Variants in AUTS2 observed in about 807,000 individuals in gnomAD.
AUTS2 encodes the protein activator of transcription and developmental regulator AUTS2.
Under a neutral mutation model 112.4 loss-of-function variants are expected in AUTS2, and 17 were observed. The ratio of observed to expected loss-of-function variants is 0.15; its 90% CI spans 0.10 to 0.23. AUTS2 has a LOEUF of 0.23. AUTS2 is among the 10% of genes least tolerant of loss of function. AUTS2 has a pLI of 1.00. For synonymous variants in AUTS2, 751 were observed against 702.7 expected (o/e 1.07, Z -1.09); for missense variants, 1,510 against 1,701.6 (o/e 0.89, Z 1.98).
chr7:70,492,736 G>A (rs1024661677), intron 5 of AUTS2, among the ~76,000 whole-genome samples: 4 of 152,092 alleles, frequency 2.6e-5, no homozygotes, highest in Admixed American at 6.5e-5. Context: ...AGCAAACTAC[G>A]TGACCCCCTC....
intron 1 of AUTS2, among the ~76,000 whole-genome samples, chr7:69,742,490 G>A (rs1787312163): frequency 6.6e-6 from 1 of 152,078 alleles, no homozygotes; most frequent in African/African-American, 2.4e-5. Flanking sequence ...GAAAAATACT[G>A]GAACAGTTGG....
intron 4 of AUTS2, among the ~76,000 whole-genome samples, chr7:70,204,793 A>T (rs1258804972): frequency 6.6e-6 from 1 of 152,190 alleles, no homozygotes; most frequent in Non-Finnish European, 1.5e-5. Context: ...ATTAAGTATT[A>T]TCCTCATGGT....
intron 5 of AUTS2, among the ~76,000 whole-genome samples, chr7:70,441,162 C>T (rs545554968): frequency 2.0e-5 from 3 of 152,252 alleles, no homozygotes; most frequent in South Asian, 2.1e-4. Flanking sequence ...ATGAATCCTT[C>T]TCCTTTTCCT....
intron 2 of AUTS2, among the ~76,000 whole-genome samples, chr7:69,983,556 T>C (rs766693260): frequency 2.0e-5 from 3 of 152,024 alleles, no homozygotes; most frequent in Non-Finnish European, 4.4e-5. Flanking sequence ...GGTATGACTG[T>C]GTAGGAAAGA....
At chr7:69,947,449 T>C (rs1002482949) in intron 2 of AUTS2, among the ~76,000 whole-genome samples, 1 of 152,232 alleles carries the variant, frequency 6.6e-6, no homozygotes, top group African/African-American at 2.4e-5. Context: ...AGATAGATCG[T>C]TGCTAACGTC....
intron 1 of AUTS2, among the ~76,000 whole-genome samples, chr7:69,790,376 G>A (rs1225523454): frequency 1.3e-5 from 2 of 152,148 alleles, no homozygotes; most frequent in Non-Finnish European, 2.9e-5. Context: ...TACACATTAT[G>A]GAGGATAACG....
intron 1 of AUTS2, among the ~76,000 whole-genome samples, chr7:69,657,147 G>A (rs891494774): frequency 6.6e-6 from 1 of 152,092 alleles, no homozygotes; most frequent in African/African-American, 2.4e-5. Context: ...CAAAACATCC[G>A]GGCAGACAGT....
chr7:70,572,903 A>C (rs1307820739), intron 5 of AUTS2, among the ~76,000 whole-genome samples: 1 of 152,204 alleles, frequency 6.6e-6, no homozygotes, highest in African/African-American at 2.4e-5. Context: ...ATGAAAAGAA[A>C]GGTTAAAGAG....
chr7:69,876,162 C>T (rs886792392), intron 1 of AUTS2, among the ~76,000 whole-genome samples: 20 of 149,448 alleles, frequency 1.3e-4, no homozygotes, highest in African/African-American at 2.7e-4. Context: ...GTCAGGAGAT[C>T]GAGACCATCC....
At chr7:70,610,647 C>A (rs528389475) in intron 5 of AUTS2, among the ~76,000 whole-genome samples, 1 of 151,984 alleles carries the variant, frequency 6.6e-6, no homozygotes, top group South Asian at 2.1e-4. Context: ...CTATGTTGCC[C>A]AGGTTGGTCT....
At chr7:70,167,555 C>A (rs765497044) in intron 4 of AUTS2, among the ~76,000 whole-genome samples, 1 of 152,170 alleles carries the variant, frequency 6.6e-6, no homozygotes, top group Admixed American at 6.5e-5. Context: ...GCAACACTAC[C>A]GGTCACCTTG....
intron 4 of AUTS2, among the ~76,000 whole-genome samples, chr7:70,187,103 A>T (rs992432169): frequency 9.2e-5 from 14 of 152,204 alleles, no homozygotes; most frequent in African/African-American, 3.4e-4. Flanking sequence ...AAATGAGTTC[A>T]GTGGATTGAT....
intron 4 of AUTS2, among the ~76,000 whole-genome samples, chr7:70,215,641 T>C (rs549241092): frequency 6.6e-6 from 1 of 152,244 alleles, no homozygotes; most frequent in African/African-American, 2.4e-5. Context: ...CAGAGCTCTT[T>C]GGGGGTGAAA....
At chr7:69,892,592 A>G (rs1216050528) in intron 1 of AUTS2, among the ~76,000 whole-genome samples, 1 of 152,196 alleles carries the variant, frequency 6.6e-6, no homozygotes, top group Non-Finnish European at 1.5e-5. Flanking sequence ...TCTTGACAGT[A>G]TCTTTTGAAG....
chr7:70,204,863 A>G (rs1198071582), intron 4 of AUTS2, among the ~76,000 whole-genome samples: 3 of 152,162 alleles, frequency 2.0e-5, no homozygotes, highest in East Asian at 3.9e-4. Flanking sequence ...ATATTCTGCT[A>G]TCTATGGGTT....
At chr7:70,466,858 G>A (rs1234282545) in intron 5 of AUTS2, among the ~76,000 whole-genome samples, 1 of 152,184 alleles carries the variant, frequency 6.6e-6, no homozygotes, top group East Asian at 1.9e-4. Flanking sequence ...AACTTTGGCA[G>A]CTGTGTGGAG....
intron 4 of AUTS2, among the ~76,000 whole-genome samples, chr7:70,263,719 C>A (rs561729552): frequency 6.6e-6 from 1 of 152,168 alleles, no homozygotes; most frequent in South Asian, 2.1e-4. Flanking sequence ...TAACAAAAAT[C>A]CCCCAAGGTT....
chr7:70,331,446 T>C (rs570409141), intron 4 of AUTS2, among the ~76,000 whole-genome samples: 35 of 152,278 alleles, frequency 2.3e-4, no homozygotes, highest in Admixed American at 1.3e-3. Flanking sequence ...CTTTTCTTAT[T>C]TATTAGTCTG....
chr7:70,763,231 C>T lies in AUTS2; in HGVS notation c.1104C>T (p.Thr368=), dbSNP rs374675346. ...VQRPPRPQSP[T]QLLHQNLPPV... ...GGCCACCCAGGCCACAGTCCCCCACCCAGCTGCTCCATCAGAACCTCCCAC... is the reference window on the plus strand; with the variant it reads ...GGCCACCCAGGCCACAGTCCCCCACTCAGCTGCTCCATCAGAACCTCCCAC... Residue 368 remains threonine, a synonymous_variant, in exon 7 of 19, where the codon ACC becomes ACT. Coordinates refer to ENST00000342771, the MANE Select transcript of AUTS2 (RefSeq NM_015570.4). 8 of 1,613,966 alleles carry T rather than the reference C, an allele frequency of 5.0e-6. No homozygotes were observed. The highest frequency in any genetic ancestry group is 4.0e-5 in the African/African-American group (3 of 74,928).
Sources: allele counts gnomAD v4.1 joint callset (sites outside exome capture counted in the v4.1 genomes callset), GRCh38; gene constraint gnomAD v4.1.1; transcripts MANE v1.5; gene names NCBI Gene and HGNC (gene_info 2026-07-23, HGNC 2026-07-21).